Variants in DCN observed in about 807,000 individuals in gnomAD.
The protein encoded by DCN is decorin, also known as bone proteoglycan II.
A neutral mutation model predicts 36.5 loss-of-function variants in DCN; 17 were observed. The observed-to-expected ratio is 0.47, with a 90% CI of 0.32 to 0.70. The LOEUF is 0.70. Among genes scored for constraint, DCN ranks in the 30% least tolerant of loss-of-function variants. The pLI, the probability that DCN is intolerant of heterozygous loss-of-function variation, is 0.04. For missense variants in DCN, 389 were observed against 430.1 expected (o/e 0.90, Z 0.84); for synonymous variants, 163 against 161.4 (o/e 1.01, Z -0.07).
At chr12:91,166,867 C>A (rs1295953797) in intron 2 of DCN, among the ~76,000 whole-genome samples, 1 of 152,084 alleles carries the variant, frequency 6.6e-6, no homozygotes, top group Non-Finnish European at 1.5e-5. Context: ...GTTCTACAAC[C>A]TGCTCTGAAT....
At position 91,157,098 on chromosome 12, in the gene DCN, G is replaced by A; in HGVS notation, c.629C>T (p.Thr210Ile). Residue 210 changes from threonine (T) to isoleucine (I), a missense_variant, in exon 5 of 8, where the codon ACC becomes ATC. Coordinates refer to ENST00000052754, the MANE Select transcript of DCN (RefSeq NM_001920.5). ...ACCTTGAGGAATGCTGGTGATATTG[G>A]TATCAGCAATGCGGATGTAGGAGAG... Reference protein sequence around the residue: ...KKLSYIRIADTNITSIPQGLP... With the variant: ...KKLSYIRIADINITSIPQGLP... The A allele has an allele frequency of 6.2e-7, 1 of 1,605,424 alleles. No individual in the cohort carries two copies. Among genetic ancestry groups the A allele is most frequent in the East Asian group, 2.2e-5 (1 of 44,822 alleles).
At chr12:91,178,313 T>C (rs1331532901) in intron 2 of DCN, 29 bp downstream of exon 2, 3 of 1,575,526 alleles carry the variant, frequency 1.9e-6, no homozygotes, top group Non-Finnish European at 1.7e-6. Flanking sequence ...ACAAGTAAGG[T>C]AGGTAAAGAG....
intron 7 of DCN, among the ~76,000 whole-genome samples, chr12:91,147,394 GT>G (rs1881096642): frequency 6.6e-6 from 1 of 152,106 alleles, no homozygotes; most frequent in Non-Finnish European, 1.5e-5. Context: ...TACGTTACAT[GT>G]TTTTCTTCAT....
chr12:91,146,275 A>C (rs1322275799), intron 7 of DCN, 23 bp from the exon 8 acceptor site: 3 of 1,438,730 alleles, frequency 2.1e-6, no homozygotes, highest in Non-Finnish European at 2.9e-6. Context: ...ACGATAGAAA[A>C]TAATTATTAT....
rs58056993 is a variant in DCN at position 91,169,378 on chromosome 12, CA to C, written c.212-4662del. ...CCTAGGCAACAGGGGGAGATCCTGT[CA>C]AAAAAAAAAAAAAAAAAAAAAACCA... On this transcript the variant is annotated intron_variant, in intron 2 of 7. Transcript: ENST00000052754. Among the ~76,000 whole-genome samples, 255 of 73,368 alleles carry C rather than the reference CA, an allele frequency of 3.5e-3. 2 individuals carry two copies. The highest frequency in any genetic ancestry group is 0.016 in the South Asian group (27 of 1,718). The allele number at this position is 73,368 out of a possible 152,430, so 48.1% of individuals were successfully genotyped here.
Position 91,153,077 on chromosome 12 carries a change from C to T in DCN, c.746+19G>A, listed in dbSNP as rs752925518. ...CCTAGCCATTGTTCTGATAGAATGT[C>T]ATGAAAGAATATTATTACTTAGCCA... On this transcript the variant is annotated intron_variant, in intron 6 of 7. Transcript: ENST00000052754. The T allele has an allele frequency of 2.0e-5, 26 of 1,311,694 alleles. No homozygotes were observed. Among genetic ancestry groups the T allele is most frequent in the Non-Finnish European group, 2.2e-6 (2 of 904,616 alleles). The allele number at this position is 1,311,694 out of a possible 1,614,324, so 81.3% of individuals were successfully genotyped here.
At chr12:91,173,692 G>A (rs1197112798) in intron 2 of DCN, among the ~76,000 whole-genome samples, 2 of 152,250 alleles carry the variant, frequency 1.3e-5, no homozygotes, top group Non-Finnish European at 2.9e-5. Context: ...AAATGATAAA[G>A]GCAACTGAGC....
At chr12:91,155,374 G>A (rs567716857) in intron 5 of DCN, among the ~76,000 whole-genome samples, 2 of 152,242 alleles carry the variant, frequency 1.3e-5, no homozygotes, top group East Asian at 3.9e-4. Context: ...TTAATAAATT[G>A]TAGTTACTTA....
chr12:91,181,192 CAG>C (rs56834358), intron 1 of DCN, among the ~76,000 whole-genome samples: 7 of 150,840 alleles, frequency 4.6e-5, no homozygotes, highest in African/African-American at 7.3e-5. Flanking sequence ...GTGTGTGTGA[CAG>C]AGAGAGAGTG....
chr12:91,153,217 T>C, intron 5 of DCN, 28 bp from the exon 6 acceptor site: 1 of 1,252,084 alleles, frequency 8.0e-7, no homozygotes, highest in Non-Finnish European at 1.2e-6. Flanking sequence ...AGATGTTAAA[T>C]TAGCAGATAA....
intron 7 of DCN, chr12:91,150,774 A>C (rs1881353117): frequency 6.6e-6 from 1 of 152,246 alleles, no homozygotes; most frequent in African/African-American, 2.4e-5. Context: ...TCATTCTACT[A>C]TAAAGACATA....
chr12:91,174,939 C>T (rs566200448), intron 2 of DCN, among the ~76,000 whole-genome samples: 2 of 152,126 alleles, frequency 1.3e-5, no homozygotes, highest in African/African-American at 4.8e-5. Flanking sequence ...GACACTTGAT[C>T]CAAAGATGAA....
At chr12:91,157,007 A>ATTT in intron 5 of DCN, 68 bp downstream of exon 5, 1 of 983,266 alleles carries the variant, frequency 1.0e-6, no homozygotes, top group South Asian at 1.6e-5. Context: ...TTTCCACAAG[A>ATTT]TTTTTTTTTT....
In DCN at chr12:91,145,033, A is replaced by G. The variant is rs1353104452; in HGVS notation, c.*1025T>C. ...AAATATCTAACTTCATAGAAGACAG[A>G]AACTATTTTCACATATTTGCTTATT... On this transcript the variant is annotated 3_prime_UTR_variant, in exon 8 of 8. Transcript: ENST00000052754. The G allele has an allele frequency of 2.6e-5, 4 of 152,244 alleles. No homozygotes were observed. The highest frequency in any genetic ancestry group is 9.6e-5 in the African/African-American group (4 of 41,464). The allele number at this position is 152,244 out of a possible 1,614,324, so 9.4% of individuals were successfully genotyped here. A position where few individuals can be genotyped will look rare whatever the true frequency, so the allele number is the denominator to read the frequency against.
In DCN at chr12:91,156,807, C is replaced by G. The variant is rs373072149; in HGVS notation, c.652+268G>C. ...ACTGTGCATTAAGTTGTGTCTTAAA[C>G]TAGACATTAACAGGAGTCTACCCAT... On this transcript the variant is annotated intron_variant, in intron 5 of 7. Transcript: ENST00000052754. Among the ~76,000 whole-genome samples, 14 of 151,366 alleles carry G rather than the reference C, an allele frequency of 9.2e-5. No homozygotes were observed. In the East Asian group the frequency reaches 2.0e-3, roughly 21 times the overall value.
intron 3 of DCN, among the ~76,000 whole-genome samples, chr12:91,159,707 T>C (rs1882039447): frequency 6.6e-6 from 1 of 152,106 alleles, no homozygotes. Context: ...TAATTCATTA[T>C]TATTATGCTT....
At chr12:91,161,530 T>C (rs1370209966) in intron 3 of DCN, among the ~76,000 whole-genome samples, 2 of 152,224 alleles carry the variant, frequency 1.3e-5, no homozygotes, top group Admixed American at 1.3e-4. Flanking sequence ...AAAACCTTGC[T>C]GGTTTCCCCA....
rs995681358 is a variant in DCN, at chr12:91,172,753, C to A, written c.211+5589G>T. 1.2e-4 allele frequency: 83 copies of A among 699,578 alleles called. 2 individuals carry two copies. The Admixed American group carries it at 1.5e-3, about 12-fold the overall frequency. 43.3% of individuals were successfully genotyped at this position (699,578 alleles called of 1,614,324 possible). ...GCATTAATTCAAGAACCAAGCCATG[C>A]ATATGTTCGTGTATTCATTCATCAA... is the stretch of plus-strand genomic sequence containing the variant. On this transcript the variant is annotated intron_variant, in intron 2 of 7. Transcript: ENST00000052754.
At chr12:91,148,095 A>G (rs563119452) in intron 7 of DCN, among the ~76,000 whole-genome samples, 1 of 149,054 alleles carries the variant, frequency 6.7e-6, no homozygotes, top group Non-Finnish European at 1.5e-5. Flanking sequence ...TTTTTCTGAG[A>G]CGGAGTCTCG....
Sources: gnomAD v4.1 joint callset for allele counts (sites outside exome capture counted in the v4.1 genomes callset) on GRCh38, gnomAD v4.1.1 for gene constraint, MANE v1.5 for transcripts, NCBI Gene and HGNC (gene_info 2026-07-23, HGNC 2026-07-21) for gene names.